Variants in KLF7 observed in about 807,000 individuals in gnomAD.
The protein encoded by KLF7 is Krueppel-like factor 7.
In KLF7, 2 loss-of-function variants were observed where a neutral mutation model predicts 27.3. The observed-to-expected ratio is 0.07, with a 90% confidence interval of 0.03 to 0.23. KLF7 has a LOEUF of 0.23. KLF7 is among the 10% of genes least tolerant of loss of function. The pLI is 1.00. For synonymous variants in KLF7, 165 were observed against 162.4 expected, an observed-to-expected ratio of 1.02 and a Z score of -0.12; for missense variants, 221 against 394.1, an observed-to-expected ratio of 0.56 and a Z score of 3.72.
chr2:207,123,564 C>T (rs948424974), intron 2 of KLF7, among the ~76,000 whole-genome samples: 3 of 152,170 alleles, frequency 2.0e-5, no homozygotes, highest in Admixed American at 6.5e-5. Flanking sequence ...GTGGTTGGCA[C>T]TGTAGGGACA....
chr2:207,141,025 C>G (rs1354470286), intron 1 of KLF7, among the ~76,000 whole-genome samples: 3 of 152,118 alleles, frequency 2.0e-5, no homozygotes, highest in Non-Finnish European at 4.4e-5. Context: ...CTCAAGTCAT[C>G]TCATCTTCAG....
At chr2:207,134,268 A>C in intron 1 of KLF7, 1 of 645,560 alleles carries the variant, frequency 1.5e-6, no homozygotes, top group Admixed American at 3.2e-5. Flanking sequence ...CCCCCATAAA[A>C]AACACACAGA....
chr2:207,118,037 CA>C (rs2077235445), intron 2 of KLF7, among the ~76,000 whole-genome samples: 1 of 152,188 alleles, frequency 6.6e-6, no homozygotes, highest in African/African-American at 2.4e-5. Flanking sequence ...AGAAGCAAAA[CA>C]ATCTACTGAG....
chr2:207,103,240 TA>T (rs1216261030), intron 2 of KLF7, among the ~76,000 whole-genome samples: 2 of 152,158 alleles, frequency 1.3e-5, no homozygotes, highest in Admixed American at 1.3e-4. Context: ...GCTGTACTTT[TA>T]AAGGTAGGGA....
At chr2:207,129,815 CACT>C (rs1381639640) in intron 1 of KLF7, among the ~76,000 whole-genome samples, 1 of 151,918 alleles carries the variant, frequency 6.6e-6, no homozygotes, top group Non-Finnish European at 1.5e-5. Context: ...GATTGTAATC[CACT>C]ATTATCATTA....
intron 1 of KLF7, among the ~76,000 whole-genome samples, chr2:207,152,237 A>G (rs2078265507): frequency 1.3e-5 from 2 of 149,070 alleles, no homozygotes; most frequent in Admixed American, 1.4e-4. Flanking sequence ...TCTATGTCAG[A>G]CTAAGAAAAC....
At chr2:207,164,549 CCACTGACCAG>C (rs1214134963) in intron 1 of KLF7, among the ~76,000 whole-genome samples, 2 of 147,264 alleles carry the variant, frequency 1.4e-5, no homozygotes, top group African/African-American at 5.0e-5. Context: ...CCAGCACTTT[CCACTGACCAG>C]CACTTTCTTT....
intron 3 of KLF7, among the ~76,000 whole-genome samples, chr2:207,086,509 C>T (rs2076392466): frequency 6.6e-6 from 1 of 152,236 alleles, no homozygotes; most frequent in Non-Finnish European, 1.5e-5. Context: ...TTTGTACCAT[C>T]TGCTCAGCAA....
At chr2:207,167,879 T>C (rs1011299167), upstream of KLF7, among the ~76,000 whole-genome samples, 3 of 152,214 alleles carry the variant, frequency 2.0e-5, no homozygotes, top group Admixed American at 6.5e-5. Flanking sequence ...ATTAGGTGAA[T>C]ACTAAATATT....
intron 2 of KLF7, among the ~76,000 whole-genome samples, chr2:207,102,567 T>C (rs1472918506): frequency 1.3e-5 from 2 of 152,200 alleles, no homozygotes; most frequent in Non-Finnish European, 2.9e-5. Flanking sequence ...CACAGAAACC[T>C]AGTTTTCATG....
chr2:207,144,869 AC>A (rs1377455348), intron 1 of KLF7, among the ~76,000 whole-genome samples: 18 of 152,258 alleles, frequency 1.2e-4, no homozygotes, highest in South Asian at 6.2e-4. Flanking sequence ...AAGGTTAAGT[AC>A]CCCCTGTTGC....
intron 2 of KLF7, among the ~76,000 whole-genome samples, chr2:207,120,349 C>A (rs1404888988): frequency 1.3e-5 from 2 of 152,136 alleles, no homozygotes; most frequent in African/African-American, 4.8e-5. Flanking sequence ...TTCTTCAATG[C>A]AAGCAAATCC....
At chr2:207,093,206 A>C (rs565087210) in intron 2 of KLF7, among the ~76,000 whole-genome samples, 26 of 152,208 alleles carry the variant, frequency 1.7e-4, no homozygotes, top group Non-Finnish European at 3.4e-4. Flanking sequence ...GTTTTGCCAG[A>C]CTGCCAAAGA....
intron 2 of KLF7, among the ~76,000 whole-genome samples, chr2:207,108,358 T>C (rs562788928): frequency 1.3e-5 from 2 of 152,264 alleles, no homozygotes; most frequent in East Asian, 3.9e-4. Context: ...TAACGACTTA[T>C]TAAGATTATT....
chr2:207,154,540 T>C (rs2269071), intron 1 of KLF7, among the ~76,000 whole-genome samples: 40,542 of 152,116 alleles, frequency 0.27, 5,791 homozygotes, highest in Middle Eastern at 0.33. Flanking sequence ...CCATATCCAA[T>C]GCCCAGCATT....
At chr2:207,138,343 T>C (rs957937761) in intron 1 of KLF7, among the ~76,000 whole-genome samples, 3 of 152,186 alleles carry the variant, frequency 2.0e-5, no homozygotes, top group Admixed American at 6.5e-5. Context: ...TAAAACACCA[T>C]CATGATTTAA....
upstream of KLF7, among the ~76,000 whole-genome samples, chr2:207,168,118 G>C (rs141589685): frequency 4.1e-3 from 624 of 152,170 alleles, 5 homozygotes; most frequent in African/African-American, 0.014. Context: ...GAATAATAGG[G>C]GAAGGAAAGG....
chr2:207,097,231 T>C (rs1004164327), intron 2 of KLF7, among the ~76,000 whole-genome samples: 3 of 152,256 alleles, frequency 2.0e-5, no homozygotes, highest in Admixed American at 6.5e-5. Context: ...TTTGGGGACT[T>C]ATGGCTCTTA....
chr2:207,113,261 A>G (rs2077083029), intron 2 of KLF7, among the ~76,000 whole-genome samples: 1 of 152,216 alleles, frequency 6.6e-6, no homozygotes, highest in Non-Finnish European at 1.5e-5. Flanking sequence ...TTTTTCCTGA[A>G]GACCAAAGCT....
Sources: gnomAD v4.1 joint callset for allele counts (sites outside exome capture counted in the v4.1 genomes callset) on GRCh38, gnomAD v4.1.1 for gene constraint, MANE v1.5 for transcripts, NCBI Gene and HGNC (gene_info 2026-07-23, HGNC 2026-07-21) for gene names.